The following MARCHF1 variants were observed in gnomAD, a reference collection of about 807,000 sequenced individuals.
MARCHF1 encodes the protein membrane associated ring-CH-type finger 1.
Under a neutral mutation model 54.2 loss-of-function variants are expected in MARCHF1, and 40 were observed. The ratio of observed to expected loss-of-function variants is 0.74; its 90% CI spans 0.57 to 0.96. The LOEUF (loss-of-function observed/expected upper bound fraction) is 0.96, where lower values mean the gene tolerates loss of function less well. MARCHF1 is among the 40% of genes least tolerant of loss of function. The pLI, the probability that MARCHF1 is intolerant of heterozygous loss-of-function variation, is 0.00. For synonymous variants in MARCHF1, 236 were observed against 236.3 expected (o/e 1.00, Z 0.01); for missense variants, 586 against 656.5 (o/e 0.89, Z 1.17).
intron 7 of MARCHF1, among the ~76,000 whole-genome samples, chr4:163,601,148 A>G (rs1740950806): frequency 6.6e-6 from 1 of 152,266 alleles, no homozygotes; most frequent in African/African-American, 2.4e-5. Context: ...TAAATATACA[A>G]CTACTCTGCA....
intron 1 of MARCHF1, among the ~76,000 whole-genome samples, chr4:164,166,899 T>TA (rs200828829): frequency 2.4e-4 from 19 of 80,580 alleles, no homozygotes; most frequent in Admixed American, 1.6e-3. Flanking sequence ...TTGGTAAAAA[T>TA]AAAAAAACAA....
At chr4:164,131,285 G>T (rs1397190465) in intron 1 of MARCHF1, among the ~76,000 whole-genome samples, 1 of 152,088 alleles carries the variant, frequency 6.6e-6, no homozygotes, top group African/African-American at 2.4e-5. Flanking sequence ...CAGAGCAGAA[G>T]GAAGGAAGCT....
chr4:164,061,741 T>C (rs1363050222), intron 2 of MARCHF1, among the ~76,000 whole-genome samples: 1 of 151,960 alleles, frequency 6.6e-6, no homozygotes, highest in African/African-American at 2.4e-5. Flanking sequence ...GCAATAGAAT[T>C]TTATCTAAAA....
At chr4:163,979,875 T>A (rs944587575) in intron 3 of MARCHF1, among the ~76,000 whole-genome samples, 2 of 152,102 alleles carry the variant, frequency 1.3e-5, no homozygotes, top group Non-Finnish European at 2.9e-5. Context: ...GGTTGTTTGT[T>A]TTTTTCTTGT....
At chr4:164,236,174 T>C (rs1732547866) in intron 1 of MARCHF1, among the ~76,000 whole-genome samples, 2 of 152,266 alleles carry the variant, frequency 1.3e-5, no homozygotes, top group Admixed American at 6.5e-5. Flanking sequence ...TTATGCTCTA[T>C]AAAGCCTCTT....
At chr4:163,844,983 A>T (rs907674052) in intron 4 of MARCHF1, among the ~76,000 whole-genome samples, 1 of 152,122 alleles carries the variant, frequency 6.6e-6, no homozygotes, top group East Asian at 1.9e-4. Flanking sequence ...AGCATAAAGG[A>T]CTGGGAAGAT....
chr4:164,136,829 C>G lies in MARCHF1; in HGVS notation c.-322-25167G>C, dbSNP rs80079182. Among the ~76,000 whole-genome samples the G allele has an allele frequency of 1.4e-3, 211 of 152,240 alleles. 1 individual carries two copies. The highest frequency in any genetic ancestry group is 4.6e-3 in the African/African-American group (193 of 41,526). ...CGGTTAAAGTTATGTGTTTCCCTGA[C>G]TATAATTATTCCCAAAGAAAGAATC... On this transcript the variant is annotated intron_variant, in intron 1 of 9. Coordinates refer to ENST00000514618, the MANE Select transcript of MARCHF1 (RefSeq NM_001394959.1).
chr4:163,734,048 C>A (rs1268730099), intron 4 of MARCHF1, among the ~76,000 whole-genome samples: 4 of 152,056 alleles, frequency 2.6e-5, no homozygotes, highest in African/African-American at 9.7e-5. Context: ...TAAGCACATG[C>A]AAAGATGTTC....
At chr4:163,799,549 A>G (rs986818863) in intron 4 of MARCHF1, among the ~76,000 whole-genome samples, 2 of 152,168 alleles carry the variant, frequency 1.3e-5, no homozygotes, top group Non-Finnish European at 2.9e-5. Context: ...ACGTAATAAA[A>G]AACAAATACA....
chr4:164,061,870 G>T (rs886779972), intron 2 of MARCHF1, among the ~76,000 whole-genome samples: 33 of 152,192 alleles, frequency 2.2e-4, no homozygotes, highest in African/African-American at 7.9e-4. Context: ...GATGCTGACC[G>T]TTCAGGCTAG....
At chr4:164,357,923 AAG>A (rs1236302900) in intron 1 of MARCHF1, among the ~76,000 whole-genome samples, 1 of 152,190 alleles carries the variant, frequency 6.6e-6, no homozygotes, top group Non-Finnish European at 1.5e-5. Flanking sequence ...CATCATCAGA[AAG>A]AGTTTCAGAT....
At chr4:163,944,179 TCACCATGTTAG>T (rs1751978755) in intron 3 of MARCHF1, among the ~76,000 whole-genome samples, 1 of 146,312 alleles carries the variant, frequency 6.8e-6, no homozygotes, top group Non-Finnish European at 1.5e-5. Context: ...AGATGGGGTT[TCACCATGTTAG>T]CCAGGATGGT....
intron 1 of MARCHF1, among the ~76,000 whole-genome samples, chr4:164,324,442 T>G (rs1735220683): frequency 6.6e-6 from 1 of 151,594 alleles, no homozygotes; most frequent in Non-Finnish European, 1.5e-5. Flanking sequence ...AAAATAAAAT[T>G]GTCTGTATAA....
chr4:163,760,282 G>A (rs1746792576), intron 4 of MARCHF1, among the ~76,000 whole-genome samples: 1 of 152,134 alleles, frequency 6.6e-6, no homozygotes, highest in South Asian at 2.1e-4. Context: ...CAATCACAGT[G>A]AGCCCATCCA....
At chr4:163,548,850 A>G (rs1739001120) in intron 8 of MARCHF1, among the ~76,000 whole-genome samples, 1 of 152,244 alleles carries the variant, frequency 6.6e-6, no homozygotes, top group Non-Finnish European at 1.5e-5. Flanking sequence ...AAGGATAGAA[A>G]TCTTATTTTA....
intron 8 of MARCHF1, among the ~76,000 whole-genome samples, chr4:163,553,538 G>T (rs562032008): frequency 1.3e-5 from 2 of 152,254 alleles, no homozygotes; most frequent in South Asian, 4.2e-4. Flanking sequence ...TATTACAAAA[G>T]TTACTTTGCA....
chr4:163,885,739 C>T (rs1750516033), intron 3 of MARCHF1, among the ~76,000 whole-genome samples: 2 of 151,554 alleles, frequency 1.3e-5, no homozygotes, highest in Admixed American at 6.6e-5. Flanking sequence ...TATAATGATC[C>T]CATATATGGC....
chr4:164,024,936 T>C (rs895079470), intron 2 of MARCHF1, among the ~76,000 whole-genome samples: 1 of 152,138 alleles, frequency 6.6e-6, no homozygotes, highest in African/African-American at 2.4e-5. Context: ...GGAGTCACTA[T>C]TCTTATATCG....
At chr4:163,578,134 T>C (rs774091853) in intron 8 of MARCHF1, among the ~76,000 whole-genome samples, 12 of 152,002 alleles carry the variant, frequency 7.9e-5, no homozygotes, top group African/African-American at 2.9e-4. Flanking sequence ...ACATAGTTTA[T>C]GTTTCAAAAA....
Sources: gnomAD v4.1 joint callset for allele counts (sites outside exome capture counted in the v4.1 genomes callset) on GRCh38, gnomAD v4.1.1 for gene constraint, MANE v1.5 for transcripts, NCBI Gene and HGNC (gene_info 2026-07-23, HGNC 2026-07-21) for gene names.